Variants in CCDC62 observed in about 807,000 individuals in gnomAD.
CCDC62 encodes coiled-coil domain containing 62, also known as coiled-coil domain-containing protein 62.
In CCDC62, 72 loss-of-function variants were observed where a neutral mutation model predicts 80.8. That is an observed-to-expected ratio of 0.89 (90% CI 0.74 to 1.08). The LOEUF is 1.08. Among genes scored for constraint, CCDC62 ranks in the 50% least tolerant of loss-of-function variants. The pLI is 0.00. For synonymous variants in CCDC62, 286 were observed against 296.5 expected (o/e 0.96, Z 0.36); for missense variants, 704 against 809.4 (o/e 0.87, Z 1.58).
At chr12:122,820,337 C>T (rs1406379087) in intron 11 of CCDC62, among the ~76,000 whole-genome samples, 2 of 152,148 alleles carry the variant, frequency 1.3e-5, no homozygotes, top group African/African-American at 4.8e-5. Context: ...TGCCTCATGG[C>T]GGGCTTCCTC....
intron 11 of CCDC62, among the ~76,000 whole-genome samples, chr12:122,815,494 T>G (rs1219568922): frequency 6.6e-6 from 1 of 152,102 alleles, no homozygotes; most frequent in African/African-American, 2.4e-5. Context: ...CGCCCAGGCC[T>G]TGGTGCCAGT....
rs552619691 is a variant in CCDC62, at chr12:122,824,252, C to T, written c.*40+793C>T. ...CCAACATGGTGAAACCGCGTTTCTA[C>T]TAAAAATACAAAAATTAGCCAAGCA... On this transcript the variant is annotated intron_variant, in intron 12 of 12. Coordinates refer to ENST00000253079, the MANE Select transcript of CCDC62 (RefSeq NM_201435.5). Among the ~76,000 whole-genome samples the T allele has an allele frequency of 1.1e-4, 16 of 151,978 alleles. No homozygotes were observed. The South Asian group carries it at 3.3e-3, about 32-fold the overall frequency.
chr12:122,822,759 A>G (rs958276002), intron 11 of CCDC62, among the ~76,000 whole-genome samples: 1 of 151,862 alleles, frequency 6.6e-6, no homozygotes, highest in Non-Finnish European at 1.5e-5. Flanking sequence ...TCTTTCACGC[A>G]GTCTAATGTC....
In CCDC62 at chr12:122,826,793, T is replaced by G; in HGVS notation, c.*412T>G. Reference sequence around the variant, plus strand: ...AGTGCTGTTTTAACTATCTGATTTTTAAAAAATCTGTGCATACATTTAAAT... The same window carrying G: ...AGTGCTGTTTTAACTATCTGATTTTGAAAAAATCTGTGCATACATTTAAAT... On this transcript the variant is annotated 3_prime_UTR_variant, in exon 13 of 13. Transcript: ENST00000253079. 4.7e-6 allele frequency: 1 copy of G among 214,290 alleles called. No homozygotes were observed. The highest frequency in any genetic ancestry group is 9.1e-6 in the Non-Finnish European group (1 of 109,436). The allele number at this position is 214,290 out of a possible 1,614,324, so 13.3% of individuals were successfully genotyped here. A position where few individuals can be genotyped will look rare whatever the true frequency, so the allele number is the denominator to read the frequency against.
In CCDC62 at chr12:122,777,684, G is replaced by T. The variant is rs1879563578; in HGVS notation, c.229+1G>T. The T allele has an allele frequency of 1.2e-6, 2 of 1,613,310 alleles. No homozygotes were observed. The highest frequency in any genetic ancestry group is 1.7e-6 in the Non-Finnish European group (2 of 1,179,422). ...GAAGAACGTTGCAGCAAATTAGAAG[G>T]TCAGAAATACATTCAGGGACAACAG... On this transcript the variant is annotated splice_donor_variant, in intron 2 of 12. Transcript: ENST00000253079. LOFTEE classifies it high-confidence loss of function.
intron 12 of CCDC62, among the ~76,000 whole-genome samples, chr12:122,825,001 G>A (rs1221164043): frequency 6.6e-6 from 1 of 151,048 alleles, no homozygotes; most frequent in Non-Finnish European, 1.5e-5. Flanking sequence ...CAAGAGAATC[G>A]CTTGAACCCA....
intron 12 of CCDC62, among the ~76,000 whole-genome samples, chr12:122,825,734 T>C (rs1436366343): frequency 6.7e-6 from 1 of 148,812 alleles, no homozygotes. Context: ...ACCTGTAATC[T>C]CAGCACTTTG....
At chr12:122,779,244 T>C (rs1210503739) in intron 2 of CCDC62, among the ~76,000 whole-genome samples, 1 of 152,226 alleles carries the variant, frequency 6.6e-6, no homozygotes, top group Non-Finnish European at 1.5e-5. Flanking sequence ...GATACTATTT[T>C]ACCTTTACCA....
intron 9 of CCDC62, among the ~76,000 whole-genome samples, chr12:122,805,753 GC>G (rs1312563101): frequency 6.6e-6 from 1 of 151,720 alleles, no homozygotes; most frequent in Non-Finnish European, 1.5e-5. Context: ...CTCCTGATCC[GC>G]CTGCCTCTGC....
At chr12:122,781,991 C>T (rs979175530) in intron 3 of CCDC62, among the ~76,000 whole-genome samples, 1 of 146,092 alleles carries the variant, frequency 6.8e-6, no homozygotes, top group Non-Finnish European at 1.5e-5. Context: ...CTGCAGTAAG[C>T]TGTGATTGTG....
At chr12:122,775,301 C>A (rs1879364730) in intron 1 of CCDC62, among the ~76,000 whole-genome samples, 1 of 151,966 alleles carries the variant, frequency 6.6e-6, no homozygotes, top group Non-Finnish European at 1.5e-5. Flanking sequence ...CACAACCTGG[C>A]GAGTAGAGGA....
At chr12:122,803,674 T>C (rs764388623) in intron 9 of CCDC62, among the ~76,000 whole-genome samples, 1 of 152,242 alleles carries the variant, frequency 6.6e-6, no homozygotes, top group African/African-American at 2.4e-5. Flanking sequence ...TTAAAAGTCA[T>C]GCAGATAGTC....
intron 2 of CCDC62, among the ~76,000 whole-genome samples, chr12:122,780,662 A>T (rs1039485137): frequency 2.6e-5 from 4 of 151,236 alleles, no homozygotes; most frequent in Admixed American, 6.6e-5. Flanking sequence ...AATAAAATAA[A>T]ATAAAATAAA....
At chr12:122,798,665 C>T (rs957237684) in intron 8 of CCDC62, among the ~76,000 whole-genome samples, 5 of 152,050 alleles carry the variant, frequency 3.3e-5, no homozygotes, top group Admixed American at 2.6e-4. Flanking sequence ...TATGTAATCC[C>T]AGCTACTTGG....
chr12:122,780,238 G>T (rs1407072977), intron 2 of CCDC62, among the ~76,000 whole-genome samples: 1 of 151,606 alleles, frequency 6.6e-6, no homozygotes, highest in East Asian at 1.9e-4. Flanking sequence ...TTGAACCCAG[G>T]AGGTGGAGGT....
rs2030174439 is a variant in CCDC62 at position 122,785,727 on chromosome 12, CG to C, written c.406del (p.Glu136LysfsTer7). ...GTGTTGTTTTCTTGTAGGCTAGAAACGAAACTCTCAGCAACACGTTAGTGGA... is the reference window on the plus strand; with the variant it reads ...GTGTTGTTTTCTTGTAGGCTAGAAACAAACTCTCAGCAACACGTTAGTGGA... ...LLSEDLEARN[E>X]TLSNTLVELS... On this transcript the variant is annotated frameshift_variant, in exon 4 of 13. Coordinates refer to ENST00000253079, the MANE Select transcript of CCDC62 (RefSeq NM_201435.5). LOFTEE classifies it high-confidence loss of function. The C allele has an allele frequency of 6.2e-7, 1 of 1,611,792 alleles. No individual in the cohort carries two copies. Among genetic ancestry groups the C allele is most frequent in the Middle Eastern group, 1.7e-4 (1 of 6,056 alleles).
At chr12:122,825,130 C>A (rs1022375813) in intron 12 of CCDC62, among the ~76,000 whole-genome samples, 1 of 151,154 alleles carries the variant, frequency 6.6e-6, no homozygotes, top group African/African-American at 2.4e-5. Flanking sequence ...GAAAAAAAAT[C>A]AAAATTAATG....
chr12:122,785,454 A>G (rs558166482), intron 3 of CCDC62, among the ~76,000 whole-genome samples: 5 of 152,338 alleles, frequency 3.3e-5, no homozygotes, highest in African/African-American at 1.2e-4. Context: ...ATAATTCAAT[A>G]GGGCAAATAC....
At chr12:122,813,187 A>G in intron 10 of CCDC62, 83 bp from the exon 11 acceptor site, 1 of 1,416,344 alleles carries the variant, frequency 7.1e-7, no homozygotes, top group Non-Finnish European at 9.5e-7. Context: ...CAAGAGAAAG[A>G]AAAAAGAAAA....
Sources: allele counts gnomAD v4.1 joint callset (sites outside exome capture counted in the v4.1 genomes callset), GRCh38; gene constraint gnomAD v4.1.1; transcripts MANE v1.5; gene names NCBI Gene and HGNC (gene_info 2026-07-23, HGNC 2026-07-21).